PTPRD: variants seen among roughly 807,000 people sequenced by gnomAD.
The protein encoded by PTPRD is protein tyrosine phosphatase receptor type D.
In PTPRD, 34 loss-of-function variants were observed where a neutral mutation model predicts 214.5. That is an observed-to-expected ratio of 0.16 (90% CI 0.12 to 0.21). PTPRD has a LOEUF of 0.21. Ranked by LOEUF, PTPRD falls within the 10% of genes least tolerant of loss-of-function variation. The pLI, the probability that PTPRD is intolerant of heterozygous loss-of-function variation, is 1.00. For synonymous variants in PTPRD, 1,128 were observed against 845.7 expected, an observed-to-expected ratio of 1.33 and a Z score of -5.79; for missense variants, 2,545 against 2,398.7, an observed-to-expected ratio of 1.06 and a Z score of -1.27.
At chr9:9,980,376 G>A (rs1438691528) in intron 4 of PTPRD, among the ~76,000 whole-genome samples, 2 of 151,748 alleles carry the variant, frequency 1.3e-5, no homozygotes, top group African/African-American at 4.8e-5. Context: ...GGGAGGCCGA[G>A]GTGGGCGGAT....
intron 2 of PTPRD, among the ~76,000 whole-genome samples, chr9:10,399,711 C>T (rs1250032311): frequency 3.3e-5 from 5 of 151,782 alleles, no homozygotes; most frequent in Non-Finnish European, 5.9e-5. Context: ...AAAAACTGAT[C>T]AAGAATATTT....
intron 39 of PTPRD, among the ~76,000 whole-genome samples, chr9:8,357,036 T>A (rs12004215): frequency 0.044 from 6,754 of 152,290 alleles, 393 homozygotes; most frequent in African/African-American, 0.13. Flanking sequence ...AGGGTATTTA[T>A]TCTGCTGACG....
chr9:8,315,640 A>G lies in PTPRD; in HGVS notation c.*2234T>C. On this transcript the variant is annotated 3_prime_UTR_variant, in exon 46 of 46. Transcript: ENST00000381196. ...GATACTTTTTTTTAGTATTATATAT[A>G]TTTTCTTTTTTTTCTTTTTCTTTGT... The G allele has an allele frequency of 4.4e-6, 1 of 227,804 alleles. No individual in the cohort carries two copies. The highest frequency in any genetic ancestry group is 6.3e-5 in the East Asian group (1 of 15,938). 14.1% of individuals were successfully genotyped at this position (227,804 alleles called of 1,614,324 possible). A position where few individuals can be genotyped will look rare whatever the true frequency, so the allele number is the denominator to read the frequency against.
chr9:9,266,995 C>T (rs1222372342), intron 9 of PTPRD, among the ~76,000 whole-genome samples: 1 of 151,020 alleles, frequency 6.6e-6, no homozygotes, highest in Non-Finnish European at 1.5e-5. Flanking sequence ...AGAAAAATAT[C>T]AACAAAACTA....
chr9:8,972,678 C>G lies in PTPRD; in HGVS notation c.-104+46019G>C, dbSNP rs142944413. 2.6e-3 allele frequency among the ~76,000 whole-genome samples: 388 copies of G among 151,950 alleles called. 2 individuals are homozygous for G. The highest frequency in any genetic ancestry group is 3.5e-3 in the Non-Finnish European group (240 of 67,840). ...ACACTTCACGGATGCAAAGGATTTC[C>G]TTTTTCAGTAAGAAAACTGAAAACC... On this transcript the variant is annotated intron_variant, in intron 11 of 45. Coordinates refer to ENST00000381196, the MANE Select transcript of PTPRD (RefSeq NM_002839.4).
At chr9:8,656,726 A>G (rs1171210390) in intron 12 of PTPRD, among the ~76,000 whole-genome samples, 2 of 152,216 alleles carry the variant, frequency 1.3e-5, no homozygotes, top group African/African-American at 4.8e-5. Flanking sequence ...ATATCTTTAT[A>G]TGGTTCACAG....
intron 9 of PTPRD, among the ~76,000 whole-genome samples, chr9:9,300,363 C>T (rs1954804357): frequency 6.6e-6 from 1 of 151,726 alleles, no homozygotes; most frequent in Admixed American, 6.6e-5. Flanking sequence ...ACAAATTTTA[C>T]ACTTCCTTCC....
chr9:9,189,937 T>G (rs2099934076), intron 9 of PTPRD, among the ~76,000 whole-genome samples: 1 of 152,014 alleles, frequency 6.6e-6, no homozygotes, highest in Non-Finnish European at 1.5e-5. Flanking sequence ...AAGTATCACA[T>G]GTCACTTCCA....
intron 10 of PTPRD, among the ~76,000 whole-genome samples, chr9:9,022,747 C>G (rs561814222): frequency 3.9e-5 from 6 of 152,218 alleles, no homozygotes; most frequent in African/African-American, 1.4e-4. Context: ...TTCTTTGCAA[C>G]ATGTGCATGG....
intron 12 of PTPRD, among the ~76,000 whole-genome samples, chr9:8,659,447 A>G (rs1245652703): frequency 1.3e-5 from 2 of 152,242 alleles, no homozygotes; most frequent in East Asian, 3.8e-4. Flanking sequence ...CATGACCATC[A>G]GTATTTTCAA....
At chr9:8,578,416 AC>A (rs59109637) in intron 14 of PTPRD, among the ~76,000 whole-genome samples, 67,601 of 151,890 alleles carry the variant, frequency 0.45, 15,658 homozygotes, top group African/African-American at 0.6. Flanking sequence ...CCTTCATAAA[AC>A]ATTTCGTATA....
intron 14 of PTPRD, among the ~76,000 whole-genome samples, chr9:8,607,430 G>A (rs1478269426): frequency 6.6e-6 from 1 of 152,124 alleles, no homozygotes; most frequent in African/African-American, 2.4e-5. Context: ...GGATCACAAG[G>A]TCAGGAGTTT....
intron 9 of PTPRD, among the ~76,000 whole-genome samples, chr9:9,213,788 C>A (rs2099950373): frequency 6.6e-6 from 1 of 152,088 alleles, no homozygotes; most frequent in Non-Finnish European, 1.5e-5. Context: ...CCCTTCACAG[C>A]ATTCCTTTTG....
rs190274762 is a variant in PTPRD, at chr9:8,346,621, G to C, written c.4662-4643C>G. 1.6e-3 allele frequency among the ~76,000 whole-genome samples: 238 copies of C among 152,186 alleles called. 1 individual carries two copies. Among genetic ancestry groups the C allele is most frequent in the African/African-American group, 5.4e-3 (226 of 41,510 alleles). On this transcript the variant is annotated intron_variant, in intron 39 of 45. Coordinates refer to ENST00000381196, the MANE Select transcript of PTPRD (RefSeq NM_002839.4). ...AGGCTGCCTGCCTGTTAGTCACTTA[G>C]TAGCCATCTCGGTTATCCGATGGAC... is the stretch of plus-strand genomic sequence containing the variant.
chr9:9,661,370 C>G (rs1206349202), intron 7 of PTPRD, among the ~76,000 whole-genome samples: 1 of 151,802 alleles, frequency 6.6e-6, no homozygotes, highest in Non-Finnish European at 1.5e-5. Flanking sequence ...AAACTAGATT[C>G]AGTTCATCTC....
chr9:9,431,483 G>A (rs367974393), intron 8 of PTPRD, among the ~76,000 whole-genome samples: 16 of 151,802 alleles, frequency 1.1e-4, no homozygotes, highest in Admixed American at 9.8e-4. Flanking sequence ...AACCATTGTG[G>A]AAGACAGTGT....
intron 2 of PTPRD, among the ~76,000 whole-genome samples, chr9:10,504,638 CTA>C (rs954637345): frequency 6.6e-6 from 1 of 152,092 alleles, no homozygotes; most frequent in Non-Finnish European, 1.5e-5. Context: ...TTGCACAACC[CTA>C]TGAGGTAAAC....
intron 11 of PTPRD, among the ~76,000 whole-genome samples, chr9:8,891,931 G>A (rs1369606762): frequency 1.3e-5 from 2 of 152,118 alleles, no homozygotes; most frequent in Non-Finnish European, 2.9e-5. Flanking sequence ...CTGCTTTTCT[G>A]AGTGGGCTAA....
intron 3 of PTPRD, among the ~76,000 whole-genome samples, chr9:10,149,730 TTTC>T (rs1211309832): frequency 2.7e-4 from 41 of 151,792 alleles, no homozygotes; most frequent in African/African-American, 9.2e-4. Flanking sequence ...TGTCTTTTTT[TTTC>T]TTTTTTTTTT....
Sources: gnomAD v4.1 joint callset for allele counts (sites outside exome capture counted in the v4.1 genomes callset) on GRCh38, gnomAD v4.1.1 for gene constraint, MANE v1.5 for transcripts, NCBI Gene and HGNC (gene_info 2026-07-23, HGNC 2026-07-21) for gene names.